RARB: variants seen among roughly 807,000 people sequenced by gnomAD.
RARB encodes the protein retinoic acid receptor beta, also known as HBV-activated protein.
RARB carries 17 observed loss-of-function variants against 51.9 expected under a neutral mutation model. The observed-to-expected ratio is 0.33, with a 90% confidence interval of 0.22 to 0.49. The LOEUF is 0.49. Ranked by LOEUF, RARB falls within the 20% of genes least tolerant of loss-of-function variation. RARB has a pLI of 0.99. For missense variants in RARB, 369 were observed against 550.8 expected (o/e 0.67, Z 3.30); for synonymous variants, 215 against 195.4 (o/e 1.10, Z -0.84).
chr3:25,239,657 T>A (rs1398775183), intron 5 of RARB, among the ~76,000 whole-genome samples: 1 of 152,208 alleles, frequency 6.6e-6, no homozygotes, highest in Non-Finnish European at 1.5e-5. Flanking sequence ...TCCGTTGGTC[T>A]GCGCATCTGT....
chr3:25,276,911 A>G (rs554050246), intron 5 of RARB, among the ~76,000 whole-genome samples: 12 of 152,338 alleles, frequency 7.9e-5, no homozygotes, highest in Admixed American at 2.6e-4. Context: ...TTAAACTTAA[A>G]TTCTAGATCT....
intron 2 of RARB, among the ~76,000 whole-genome samples, chr3:24,859,738 G>A (rs1702706241): frequency 6.6e-6 from 1 of 152,140 alleles, no homozygotes; most frequent in Non-Finnish European, 1.5e-5. Flanking sequence ...TTCTGTAAAG[G>A]ACTAGACAGT....
intron 2 of RARB, among the ~76,000 whole-genome samples, chr3:24,986,973 C>T (rs947942805): frequency 6.6e-6 from 1 of 151,824 alleles, no homozygotes; most frequent in Non-Finnish European, 1.5e-5. Flanking sequence ...TTTCAACGGT[C>T]GTCATCTTTC....
intron 5 of RARB, among the ~76,000 whole-genome samples, chr3:25,422,367 T>C (rs1707885029): frequency 6.6e-6 from 1 of 152,184 alleles, no homozygotes; most frequent in South Asian, 2.1e-4. Flanking sequence ...TGTATTGAGA[T>C]GAGACAAAAT....
intron 3 of RARB, among the ~76,000 whole-genome samples, chr3:25,520,980 A>C (rs1398086320): frequency 1.3e-5 from 2 of 152,194 alleles, no homozygotes; most frequent in African/African-American, 2.4e-5. Flanking sequence ...TTATACACCT[A>C]AGGGAGTTTG....
chr3:25,176,883 A>C (rs1700764425), intron 5 of RARB, among the ~76,000 whole-genome samples: 1 of 152,164 alleles, frequency 6.6e-6, no homozygotes, highest in African/African-American at 2.4e-5. Flanking sequence ...TCTAGATCAA[A>C]ACTGGTTATA....
intron 2 of RARB, among the ~76,000 whole-genome samples, chr3:25,493,273 C>A: frequency 6.6e-6 from 1 of 152,122 alleles, no homozygotes; most frequent in South Asian, 2.1e-4. Context: ...TTCTCTTTCT[C>A]CCCCCAAATT....
chr3:24,959,173 G>A (rs12635833), intron 2 of RARB, among the ~76,000 whole-genome samples: 67,335 of 152,064 alleles, frequency 0.44, 15,395 homozygotes, highest in East Asian at 0.61. Flanking sequence ...ATGTGAGGCA[G>A]TTGCTCTCTG....
intron 5 of RARB, among the ~76,000 whole-genome samples, chr3:25,256,030 CTGTT>C (rs1236890076): frequency 6.6e-6 from 1 of 152,064 alleles, no homozygotes; most frequent in Non-Finnish European, 1.5e-5. Context: ...ATGTAAATGT[CTGTT>C]TGACAATATT....
chr3:25,222,539 C>T (rs1701969589), intron 5 of RARB, among the ~76,000 whole-genome samples: 1 of 151,720 alleles, frequency 6.6e-6, no homozygotes, highest in East Asian at 1.9e-4. Context: ...TGATGCCACT[C>T]CAATAAATAG....
intron 2 of RARB, among the ~76,000 whole-genome samples, chr3:25,028,646 G>C (rs1413730053): frequency 6.6e-6 from 1 of 152,162 alleles, no homozygotes; most frequent in Non-Finnish European, 1.5e-5. Context: ...AGTGTGTGAG[G>C]ATAAAGGGTG....
rs534712369 is a variant in RARB, at chr3:25,334,798, T to G, written c.179-126395T>G. On this transcript the variant is annotated intron_variant, in intron 5 of 11. Transcript: ENST00000383772. ...GTGTGTTGGGAATTTTCTTAAATTG[T>G]TATCTTTCTTTTGGCACCGTTTTAA... 9.2e-5 allele frequency among the ~76,000 whole-genome samples: 14 copies of G among 152,346 alleles called. No homozygotes were observed. The South Asian group carries it at 2.9e-3, about 32-fold the overall frequency.
intron 5 of RARB, among the ~76,000 whole-genome samples, chr3:25,402,216 A>G (rs1707283193): frequency 6.6e-6 from 1 of 152,272 alleles, no homozygotes; most frequent in Non-Finnish European, 1.5e-5. Flanking sequence ...TTGAATTCCA[A>G]GCTGGATAAA....
At chr3:25,354,999 C>G (rs990740532) in intron 5 of RARB, among the ~76,000 whole-genome samples, 2 of 152,016 alleles carry the variant, frequency 1.3e-5, no homozygotes, top group Non-Finnish European at 2.9e-5. Context: ...TCTTCCACTT[C>G]ATAAGCTGTG....
intron 3 of RARB, among the ~76,000 whole-genome samples, chr3:25,068,466 G>A (rs76828262): frequency 3.4e-4 from 52 of 152,178 alleles, no homozygotes; most frequent in African/African-American, 1.2e-3. Context: ...ACAAAAAGGG[G>A]GGTAATATTG....
intron 3 of RARB, among the ~76,000 whole-genome samples, chr3:25,105,025 CT>C (rs1196747609): frequency 6.6e-6 from 1 of 152,060 alleles, no homozygotes; most frequent in Non-Finnish European, 1.5e-5. Context: ...AGTTTGTGTA[CT>C]TTTCTATAAG....
intron 5 of RARB, among the ~76,000 whole-genome samples, chr3:25,229,392 T>C (rs1283421395): frequency 6.6e-6 from 1 of 152,148 alleles, no homozygotes; most frequent in Non-Finnish European, 1.5e-5. Flanking sequence ...ATTTGATAAG[T>C]ACAAAAAAGT....
chr3:24,978,761 C>T (rs1696575182), intron 2 of RARB, among the ~76,000 whole-genome samples: 1 of 151,176 alleles, frequency 6.6e-6, no homozygotes, highest in African/African-American at 2.4e-5. Flanking sequence ...TTTAGTTCTG[C>T]TCTGATCTTA....
At chr3:24,900,886 T>A (rs1348384997) in intron 2 of RARB, among the ~76,000 whole-genome samples, 1 of 152,180 alleles carries the variant, frequency 6.6e-6, no homozygotes, top group African/African-American at 2.4e-5. Context: ...AATATAACTC[T>A]TAGTTTTAAA....
Sources: gnomAD v4.1 joint callset for allele counts (sites outside exome capture counted in the v4.1 genomes callset) on GRCh38, gnomAD v4.1.1 for gene constraint, MANE v1.5 for transcripts, NCBI Gene and HGNC (gene_info 2026-07-23, HGNC 2026-07-21) for gene names.